Variants in SPINK5 observed in about 807,000 individuals in gnomAD.
The protein encoded by SPINK5 is serine peptidase inhibitor Kazal type 5, also known as serine protease inhibitor Kazal-type 5.
A neutral mutation model predicts 151.8 loss-of-function variants in SPINK5; 125 were observed. The observed-to-expected ratio is 0.82, with a 90% CI of 0.71 to 0.96. SPINK5 has a LOEUF of 0.96. Among genes scored for constraint, SPINK5 ranks in the 40% least tolerant of loss-of-function variants. SPINK5 has a pLI of 0.00. For synonymous variants in SPINK5, 374 were observed against 395.3 expected (o/e 0.95, Z 0.64); for missense variants, 1,194 against 1,291.9 (o/e 0.92, Z 1.16).
At chr5:148,065,156 A>G (rs1434649700) in intron 1 of SPINK5, among the ~76,000 whole-genome samples, 191 bp from the exon 2 acceptor site, 1 of 152,150 alleles carries the variant, frequency 6.6e-6, no homozygotes, top group East Asian at 1.9e-4. Context: ...TTGTGAGTAT[A>G]TATACTAATC....
In SPINK5 at chr5:148,137,027, A is replaced by G. The variant is rs769568423; in HGVS notation, c.*36A>G. On this transcript the variant is annotated 3_prime_UTR_variant, in exon 33 of 33. Coordinates refer to ENST00000256084, the MANE Select transcript of SPINK5 (RefSeq NM_006846.4). ...GTTGAAAGCCATGAGGGAAAAAATA[A>G]ACCCCAGTTCTGAATCACCTACCTT... The G allele has an allele frequency of 1.2e-6, 2 of 1,613,186 alleles. No individual in the cohort carries two copies. The highest frequency in any genetic ancestry group is 1.7e-6 in the Non-Finnish European group (2 of 1,179,410).
chr5:148,125,702 T>C, intron 28 of SPINK5, 21 bp from the exon 29 acceptor site: 1 of 1,614,254 alleles, frequency 6.2e-7, no homozygotes, highest in East Asian at 2.2e-5. Flanking sequence ...CCATGTTCAC[T>C]TTCCCTTTCT....
At chr5:148,089,391 C>A in intron 6 of SPINK5, 103 bp from the exon 7 acceptor site, 1 of 1,492,236 alleles carries the variant, frequency 6.7e-7, no homozygotes, top group Non-Finnish European at 9.3e-7. Context: ...CTCTAAGTGG[C>A]CCATAGCAAT....
intron 22 of SPINK5, among the ~76,000 whole-genome samples, chr5:148,117,411 C>T (rs1250070474): frequency 6.6e-6 from 1 of 152,164 alleles, no homozygotes; most frequent in Non-Finnish European, 1.5e-5. Flanking sequence ...TAGAGACCTG[C>T]ACATTTTTTT....
intron 8 of SPINK5, among the ~76,000 whole-genome samples, chr5:148,092,470 T>C (rs1366805493): frequency 6.6e-6 from 1 of 151,882 alleles, no homozygotes; most frequent in East Asian, 1.9e-4. Context: ...GAGAGTTATT[T>C]TCCTTTGTTT....
chr5:148,114,705 G>A (rs1239372913), intron 21 of SPINK5, among the ~76,000 whole-genome samples: 3 of 152,206 alleles, frequency 2.0e-5, no homozygotes, highest in Non-Finnish European at 4.4e-5. Flanking sequence ...TTCTCTGTTA[G>A]TTCTGGGGTA....
intron 27 of SPINK5, among the ~76,000 whole-genome samples, 158 bp downstream of exon 27, chr5:148,124,118 A>AT (rs1561704575): frequency 1.3e-5 from 2 of 152,210 alleles, no homozygotes; most frequent in Admixed American, 6.5e-5. Context: ...TTTCACAATA[A>AT]TTTTTTTATT....
chr5:148,117,867 T>C (rs1349385093), intron 22 of SPINK5, among the ~76,000 whole-genome samples: 4 of 152,178 alleles, frequency 2.6e-5, no homozygotes, highest in East Asian at 1.9e-4. Flanking sequence ...ATTTAATATA[T>C]GCTATTAAAT....
rs1561697910 is a variant in SPINK5, at chr5:148,114,772, G to A, written c.2015+283G>A. Reference sequence around the variant, plus strand: ...AAATTCTTAAGTTATTTGCTATCAAGTGGATCCTTTCTCTGGATTATCTCG... The same window carrying A: ...AAATTCTTAAGTTATTTGCTATCAAATGGATCCTTTCTCTGGATTATCTCG... On this transcript the variant is annotated intron_variant, in intron 21 of 32. Coordinates refer to ENST00000256084, the MANE Select transcript of SPINK5 (RefSeq NM_006846.4). Among the ~76,000 whole-genome samples, 3 of 152,322 alleles carry A rather than the reference G, an allele frequency of 2.0e-5. No homozygotes were observed. The East Asian group carries it at 5.8e-4, about 29-fold the overall frequency.
chr5:148,125,559 T>C, intron 28 of SPINK5, 164 bp from the exon 29 acceptor site: 6 of 1,613,984 alleles, frequency 3.7e-6, no homozygotes, highest in Non-Finnish European at 3.4e-6. Context: ...AAGCGGAGGA[T>C]GCAAAATTTA....
chr5:148,116,598 G>T, intron 22 of SPINK5, 132 bp downstream of exon 22: 1 of 887,746 alleles, frequency 1.1e-6, no homozygotes, highest in Non-Finnish European at 1.9e-6. Flanking sequence ...TCTCCTTAAG[G>T]TTGCAGGGTA....
In SPINK5 at chr5:148,107,027, C is replaced by A. The variant is rs375718943; in HGVS notation, c.1480-10C>A. ...AACTACTCTGAGAAAATATTTTCTTCATTTCCCAGGAAATCTGCAGTGAAT... is the reference window on the plus strand; with the variant it reads ...AACTACTCTGAGAAAATATTTTCTTAATTTCCCAGGAAATCTGCAGTGAAT... On this transcript the variant is annotated splice_polypyrimidine_tract_variant and intron_variant, in intron 16 of 32. Transcript: ENST00000256084. The A allele has an allele frequency of 6.1e-5, 98 of 1,611,214 alleles. 1 individual carries two copies. The South Asian group carries it at 9.9e-4, about 16-fold the overall frequency.
chr5:148,118,322 A>T (rs962626784), intron 22 of SPINK5, 115 bp from the exon 23 acceptor site: 14 of 1,451,124 alleles, frequency 9.6e-6, no homozygotes, highest in Non-Finnish European at 1.3e-5. Flanking sequence ...CGGCAATGTT[A>T]TGTTTCTTAT....
intron 4 of SPINK5, among the ~76,000 whole-genome samples, chr5:148,075,701 G>A (rs1244120506): frequency 6.6e-6 from 1 of 151,692 alleles, no homozygotes; most frequent in East Asian, 2.0e-4. Flanking sequence ...ATACCAATCT[G>A]AGAAGCATTT....
At chr5:148,099,087 T>C in intron 11 of SPINK5, 147 bp from the exon 12 acceptor site, 1 of 659,238 alleles carries the variant, frequency 1.5e-6, no homozygotes, top group Non-Finnish European at 2.6e-6. Context: ...CTGGAGGATA[T>C]TTTGTTGCTT....
chr5:148,084,453 G>A (rs1753101493), intron 4 of SPINK5, among the ~76,000 whole-genome samples: 1 of 151,822 alleles, frequency 6.6e-6, no homozygotes, highest in African/African-American at 2.4e-5. Context: ...TAGGGGTTTG[G>A]AGGGGAAGGA....
At chr5:148,118,247 G>C (rs1754151459) in intron 22 of SPINK5, among the ~76,000 whole-genome samples, 190 bp from the exon 23 acceptor site, 1 of 152,148 alleles carries the variant, frequency 6.6e-6, no homozygotes, top group East Asian at 1.9e-4. Flanking sequence ...TTGAACTCCT[G>C]ACCTCATGAT....
chr5:148,125,114 C>T (rs182849371), intron 28 of SPINK5, among the ~76,000 whole-genome samples: 3 of 152,164 alleles, frequency 2.0e-5, no homozygotes, highest in Admixed American at 2.0e-4. Flanking sequence ...TAGAGGGTAA[C>T]ATTCTTTACC....
At chr5:148,107,281 C>T in intron 17 of SPINK5, 117 bp downstream of exon 17, 1 of 1,395,954 alleles carries the variant, frequency 7.2e-7, no homozygotes, top group Non-Finnish European at 1.0e-6. Flanking sequence ...GAAAGGTTTA[C>T]AAGCAGATGG....
Sources: allele counts gnomAD v4.1 joint callset (sites outside exome capture counted in the v4.1 genomes callset), GRCh38; gene constraint gnomAD v4.1.1; transcripts MANE v1.5; gene names NCBI Gene and HGNC (gene_info 2026-07-23, HGNC 2026-07-21).